CLUAP1: variants seen among roughly 807,000 people sequenced by gnomAD.
The protein encoded by CLUAP1 is intraflagellar transport 38.
A neutral mutation model predicts 55.0 loss-of-function variants in CLUAP1; 50 were observed. The ratio of observed to expected loss-of-function variants is 0.91; its 90% CI spans 0.72 to 1.15. The LOEUF is 1.15. Ranked by LOEUF, CLUAP1 falls within the 50% of genes most tolerant of loss-of-function variation. The pLI, the probability that CLUAP1 is intolerant of heterozygous loss-of-function variation, is 0.00. For synonymous variants in CLUAP1, 195 were observed against 175.4 expected (o/e 1.11, Z -0.88); for missense variants, 530 against 507.6 (o/e 1.04, Z -0.42).
At chr16:3,497,487 C>A (rs761591159), upstream of CLUAP1, among the ~76,000 whole-genome samples, 3 of 152,114 alleles carry the variant, frequency 2.0e-5, no homozygotes, top group Non-Finnish European at 4.4e-5. Flanking sequence ...GCAACACTCC[C>A]CAAAGTGCTC....
rs376295237 is a variant in CLUAP1, at chr16:3,530,693, G to T, written c.1036+18G>T. 20 of 1,598,844 alleles carry T rather than the reference G, an allele frequency of 1.3e-5. No individual in the cohort carries two copies. Among genetic ancestry groups the T allele is most frequent in the Non-Finnish European group, 1.6e-5 (19 of 1,166,796 alleles). ...CATGCAAGGTACCCCGGCGTCTTTC[G>T]CTGGACTTCCTCCCTGCGCCCTGTT... is the stretch of plus-strand genomic sequence containing the variant. On this transcript the variant is annotated intron_variant, in intron 10 of 11. Coordinates refer to ENST00000576634, the MANE Select transcript of CLUAP1 (RefSeq NM_015041.3).
upstream of CLUAP1, among the ~76,000 whole-genome samples, chr16:3,498,995 C>G (rs569759398): frequency 1.3e-5 from 2 of 152,284 alleles, no homozygotes; most frequent in East Asian, 3.9e-4. Flanking sequence ...AGAACACTTA[C>G]AATTCAAAAA....
chr16:3,506,877 T>C (rs1202691397), intron 3 of CLUAP1, among the ~76,000 whole-genome samples: 1 of 152,146 alleles, frequency 6.6e-6, no homozygotes, highest in African/African-American at 2.4e-5. Context: ...TTCTTTTTGT[T>C]TGTCTTTTAA....
intron 8 of CLUAP1, among the ~76,000 whole-genome samples, chr16:3,523,612 G>A (rs2037882104): frequency 6.6e-6 from 1 of 152,186 alleles, no homozygotes; most frequent in African/African-American, 2.4e-5. Flanking sequence ...TTCAGGCCCT[G>A]TTGTCACTGT....
chr16:3,534,150 C>G (rs1457993014), intron 11 of CLUAP1: 2 of 152,162 alleles, frequency 1.3e-5, no homozygotes, highest in Admixed American at 1.3e-4. Flanking sequence ...TGCTTCATGG[C>G]TCACACCCCA....
chr16:3,500,748 G>C (rs2037375559), upstream of CLUAP1, among the ~76,000 whole-genome samples: 2 of 152,212 alleles, frequency 1.3e-5, no homozygotes, highest in African/African-American at 2.4e-5. Flanking sequence ...CAAGCACGTA[G>C]TAGGTACTCA....
intron 8 of CLUAP1, 29 bp from the exon 9 acceptor site, chr16:3,526,383 C>G (rs755674662): frequency 6.5e-7 from 1 of 1,539,342 alleles, no homozygotes. Flanking sequence ...AGGGCCATCT[C>G]TCCTGAGTCT....
chr16:3,511,875 T>C (rs2037633010), intron 4 of CLUAP1, among the ~76,000 whole-genome samples: 1 of 152,084 alleles, frequency 6.6e-6, no homozygotes, highest in Non-Finnish European at 1.5e-5. Context: ...AACAGGCTAG[T>C]GGTTGAATGC....
At chr16:3,513,492 C>T (rs999883851) in intron 5 of CLUAP1, among the ~76,000 whole-genome samples, 26 of 152,016 alleles carry the variant, frequency 1.7e-4, no homozygotes, top group African/African-American at 5.8e-4. Context: ...CTCTGTTGCC[C>T]AGGCTGGAGT....
rs902257027 is a variant in CLUAP1, at chr16:3,533,114, G to C, written c.1092+273G>C. On this transcript the variant is annotated intron_variant, in intron 11 of 11. Transcript: ENST00000576634. ...CTTTCCAAAGATGGAAGCAGCACCA[G>C]CTCTCTTAGGTAAATGCAAGACTTC... The C allele has an allele frequency of 2.0e-6, 3 of 1,536,032 alleles. No homozygotes were observed. The African/African-American group carries it at 4.1e-5, about 21-fold the overall frequency.
intron 6 of CLUAP1, among the ~76,000 whole-genome samples, chr16:3,518,956 C>T (rs540257128): frequency 6.6e-6 from 1 of 152,188 alleles, no homozygotes; most frequent in Non-Finnish European, 1.5e-5. Context: ...GGAGGGGAAG[C>T]CCCACCTTGG....
At chr16:3,515,469 T>A (rs2037712312) in intron 5 of CLUAP1, 39 bp from the exon 6 acceptor site, 1 of 1,462,832 alleles carries the variant, frequency 6.8e-7, no homozygotes, top group Admixed American at 2.0e-5. Context: ...GAGAACTCCT[T>A]TTCTGAAAAT....
chr16:3,511,474 C>T (rs887375644), intron 4 of CLUAP1, among the ~76,000 whole-genome samples: 1 of 152,164 alleles, frequency 6.6e-6, no homozygotes. Flanking sequence ...GTGGGTGCCA[C>T]CCGATTTGCG....
At position 3,536,175 on chromosome 16, in the gene CLUAP1, C is replaced by T. The variant is rs2038227959; in HGVS notation, c.1146C>T (p.Asp382=). Residue 382 remains aspartate, a synonymous_variant, in exon 12 of 12, where the codon GAC becomes GAT. Coordinates refer to ENST00000576634, the MANE Select transcript of CLUAP1 (RefSeq NM_015041.3). ...IDMEDDDDED[D]DLEDESISLS... is the part of the protein sequence containing the mutation. ...TGGAAGATGATGATGACGAGGATGA[C>T]GATTTGGAAGACGAGAGCATTTCTC... The T allele has an allele frequency of 6.2e-7, 1 of 1,614,074 alleles. No individual in the cohort carries two copies. Among genetic ancestry groups the T allele is most frequent in the Non-Finnish European group, 8.5e-7 (1 of 1,180,016 alleles).
chr16:3,519,458 C>T (rs2037791855), intron 6 of CLUAP1, among the ~76,000 whole-genome samples: 1 of 152,212 alleles, frequency 6.6e-6, no homozygotes, highest in Non-Finnish European at 1.5e-5. Flanking sequence ...TTCTTTCTCT[C>T]CCCTCCTAGT....
Position 3,504,826 on chromosome 16 carries a change from GA to G in CLUAP1, c.133del (p.Arg45AspfsTer35), listed in dbSNP as rs1208683845. 8 of 1,578,736 alleles carry G rather than the reference GA, an allele frequency of 5.1e-6. No individual in the cohort carries two copies. The highest frequency in any genetic ancestry group is 7.0e-6 in the Non-Finnish European group (8 of 1,147,818). On this transcript the variant is annotated frameshift_variant, in exon 2 of 12. Transcript: ENST00000576634. LOFTEE classifies it high-confidence loss of function. ...LVSEVLLWLVKRYEPQTDIPP... is the reference protein window; with the variant it reads ...LVSEVLLWLVXRYEPQTDIPP... Reference sequence around the variant, plus strand: ...TATCTGAAGTGCTTCTCTGGCTTGTGAAAAGGTTCGAACGGCACTTTATTGA... The same window carrying G: ...TATCTGAAGTGCTTCTCTGGCTTGTGAAAGGTTCGAACGGCACTTTATTGA...
chr16:3,496,489 T>A (rs74005823), upstream of CLUAP1: 16,940 of 696,232 alleles, frequency 0.024, 760 homozygotes, highest in African/African-American at 0.14. Flanking sequence ...GTTCAGGAGG[T>A]GCCCAAACTT....
At chr16:3,505,155 C>G (rs1226448187) in intron 2 of CLUAP1, among the ~76,000 whole-genome samples, 1 of 151,320 alleles carries the variant, frequency 6.6e-6, no homozygotes, top group Non-Finnish European at 1.5e-5. Context: ...AGGAGGATCA[C>G]TTGATCCCAG....
At chr16:3,497,022 C>A (rs989913271), upstream of CLUAP1, among the ~76,000 whole-genome samples, 1 of 151,966 alleles carries the variant, frequency 6.6e-6, no homozygotes, top group Admixed American at 6.6e-5. Flanking sequence ...AGGCACCCAC[C>A]ACCACGCCCA....
Sources: allele counts gnomAD v4.1 joint callset (sites outside exome capture counted in the v4.1 genomes callset), GRCh38; gene constraint gnomAD v4.1.1; transcripts MANE v1.5; gene names NCBI Gene and HGNC (gene_info 2026-07-23, HGNC 2026-07-21).